MAML2: variants seen among roughly 807,000 people sequenced by gnomAD.
The protein encoded by MAML2 is mastermind like transcriptional coactivator 2, also known as mastermind-like protein 2.
In MAML2, 22 loss-of-function variants were observed where a neutral mutation model predicts 96.1. The observed-to-expected ratio is 0.23, with a 90% CI of 0.16 to 0.33. The LOEUF (loss-of-function observed/expected upper bound fraction) is 0.33, where lower values mean the gene tolerates loss of function less well. Among genes scored for constraint, MAML2 ranks in the 10% least tolerant of loss-of-function variants. The pLI is 1.00. For synonymous variants in MAML2, 561 were observed against 521.3 expected, an observed-to-expected ratio of 1.08 and a Z score of -1.04; for missense variants, 1,367 against 1,392.4, an observed-to-expected ratio of 0.98 and a Z score of 0.29.
intron 2 of MAML2, among the ~76,000 whole-genome samples, chr11:96,026,989 C>T (rs577594533): frequency 2.0e-5 from 3 of 152,186 alleles, no homozygotes; most frequent in South Asian, 2.1e-4. Context: ...CTTCATGAAT[C>T]GATGAATAAA....
At chr11:96,045,918 TC>T (rs1555001104) in intron 2 of MAML2, among the ~76,000 whole-genome samples, 37 of 150,462 alleles carry the variant, frequency 2.5e-4, no homozygotes, top group African/African-American at 8.6e-4. Context: ...TTTTTTTTTT[TC>T]CCCCATTCCT....
intron 1 of MAML2, among the ~76,000 whole-genome samples, chr11:96,117,289 C>T (rs78762810): frequency 1.4e-5 from 2 of 145,492 alleles, no homozygotes; most frequent in East Asian, 4.0e-4. Context: ...CTGCAAAGCT[C>T]TTTTTTTTTT....
intron 2 of MAML2, among the ~76,000 whole-genome samples, chr11:96,009,450 T>C (rs2135726340): frequency 6.6e-6 from 1 of 152,288 alleles, no homozygotes; most frequent in African/African-American, 2.4e-5. Flanking sequence ...CTTTTTTATA[T>C]ATAGGGAAAG....
chr11:96,135,682 T>TC (rs1447276587), intron 1 of MAML2, among the ~76,000 whole-genome samples: 2 of 152,160 alleles, frequency 1.3e-5, no homozygotes, highest in East Asian at 3.9e-4. Context: ...TAGCTTTATT[T>TC]CCTAAAAATT....
At chr11:96,286,355 G>T (rs1462362994) in intron 1 of MAML2, among the ~76,000 whole-genome samples, 1 of 152,166 alleles carries the variant, frequency 6.6e-6, no homozygotes, top group Non-Finnish European at 1.5e-5. Flanking sequence ...GCATCAGGAA[G>T]AATAACTAAT....
chr11:96,318,930 C>A (rs1208673671), intron 1 of MAML2, among the ~76,000 whole-genome samples: 1 of 152,160 alleles, frequency 6.6e-6, no homozygotes, highest in Non-Finnish European at 1.5e-5. Flanking sequence ...AGATGGCTCC[C>A]AGTGATGCCT....
chr11:96,273,392 C>A (rs535000043), intron 1 of MAML2, among the ~76,000 whole-genome samples: 3 of 152,012 alleles, frequency 2.0e-5, no homozygotes, highest in African/African-American at 7.3e-5. Flanking sequence ...AATATTTGAC[C>A]TGGGAAAAAT....
intron 1 of MAML2, among the ~76,000 whole-genome samples, chr11:96,316,039 G>T (rs1863628215): frequency 6.6e-6 from 1 of 152,118 alleles, no homozygotes; most frequent in African/African-American, 2.4e-5. Context: ...CAGAATGAGG[G>T]GATCTCTGGT....
At chr11:96,178,569 A>AG (rs1213713988) in intron 1 of MAML2, among the ~76,000 whole-genome samples, 1 of 152,106 alleles carries the variant, frequency 6.6e-6, no homozygotes, top group Admixed American at 6.6e-5. Context: ...ATTGCCTCTG[A>AG]GGGGGAAAAG....
intron 2 of MAML2, among the ~76,000 whole-genome samples, chr11:95,992,877 ACT>A (rs202143429): frequency 6.8e-6 from 1 of 147,750 alleles, no homozygotes; most frequent in Non-Finnish European, 1.5e-5. Context: ...AAGAAATCCA[ACT>A]CTCTCTTTTT....
At chr11:96,319,761 G>T (rs987650454) in intron 1 of MAML2, among the ~76,000 whole-genome samples, 4 of 152,158 alleles carry the variant, frequency 2.6e-5, no homozygotes, top group African/African-American at 9.7e-5. Context: ...TCTTCCTGCT[G>T]ACATTAAATA....
chr11:96,075,653 TA>T (rs1379033565), intron 2 of MAML2, among the ~76,000 whole-genome samples: 2 of 152,190 alleles, frequency 1.3e-5, no homozygotes, highest in Non-Finnish European at 2.9e-5. Flanking sequence ...AGAGCTGAGC[TA>T]GGGGAAGTCG....
intron 1 of MAML2, among the ~76,000 whole-genome samples, chr11:96,215,207 G>T (rs1451378483): frequency 6.6e-6 from 1 of 152,190 alleles, no homozygotes. Context: ...GGGGAATGGG[G>T]TAATTCCAAC....
chr11:96,073,331 T>G (rs914161045), intron 2 of MAML2, among the ~76,000 whole-genome samples: 2 of 150,198 alleles, frequency 1.3e-5, no homozygotes, highest in African/African-American at 4.9e-5. Context: ...CTTTTTTTTT[T>G]TTTTTTTTTG....
intron 2 of MAML2, among the ~76,000 whole-genome samples, chr11:96,020,999 A>G (rs1022180787): frequency 1.3e-5 from 2 of 152,328 alleles, no homozygotes; most frequent in Admixed American, 1.3e-4. Context: ...AGTGCTAGGA[A>G]TTATGGATTT....
In MAML2 at chr11:96,061,270, C is replaced by T. The variant is rs113704672; in HGVS notation, c.2139+30622G>A. On this transcript the variant is annotated intron_variant, in intron 2 of 4. Coordinates refer to ENST00000524717, the MANE Select transcript of MAML2 (RefSeq NM_032427.4). ...TCTTTTGATTACCAGAAGTAGTCTG[C>T]TTGGATTATTCTTCCCCTCTGGCTT... is the stretch of plus-strand genomic sequence containing the variant. Among the ~76,000 whole-genome samples the T allele has an allele frequency of 8.8e-3, 1,342 of 152,242 alleles. 15 individuals are homozygous for T. Among genetic ancestry groups the T allele is most frequent in the South Asian group, 0.036 (172 of 4,826 alleles).
rs1289385492 is a variant in MAML2, at chr11:96,105,886, C to A, written c.514-12369G>T. ...TTTGGTTATAATGGAAAAAAAAAAA[C>A]CAAAACCTACACTCCAGGCAATTTA... On this transcript the variant is annotated intron_variant, in intron 1 of 4. Transcript: ENST00000524717. Among the ~76,000 whole-genome samples, 52 of 143,374 alleles carry A rather than the reference C, an allele frequency of 3.6e-4. No individual in the cohort carries two copies. The East Asian group carries it at 6.8e-3, about 19-fold the overall frequency. The allele number at this position is 143,374 out of a possible 152,430, so 94.1% of individuals were successfully genotyped here. A position where few individuals can be genotyped will look rare whatever the true frequency, so the allele number is the denominator to read the frequency against.
At chr11:96,084,478 T>C (rs1331871200) in intron 2 of MAML2, among the ~76,000 whole-genome samples, 3 of 152,098 alleles carry the variant, frequency 2.0e-5, no homozygotes, top group Non-Finnish European at 4.4e-5. Flanking sequence ...GACTGGGGGA[T>C]GTGGAGATGG....
chr11:96,174,927 C>A (rs1016637481), intron 1 of MAML2, among the ~76,000 whole-genome samples: 2 of 152,180 alleles, frequency 1.3e-5, no homozygotes, highest in African/African-American at 2.4e-5. Context: ...GAGTAATATT[C>A]TTGGAGCGCA....
Sources: gnomAD v4.1 joint callset for allele counts (sites outside exome capture counted in the v4.1 genomes callset) on GRCh38, gnomAD v4.1.1 for gene constraint, MANE v1.5 for transcripts, NCBI Gene and HGNC (gene_info 2026-07-23, HGNC 2026-07-21) for gene names.